Variants in NEK7 observed in about 807,000 individuals in gnomAD.
The protein encoded by NEK7 is serine/threonine-protein kinase Nek7.
Under a neutral mutation model 44.6 loss-of-function variants are expected in NEK7, and 18 were observed. The ratio of observed to expected loss-of-function variants is 0.40; its 90% confidence interval spans 0.28 to 0.60. NEK7 has a LOEUF of 0.60. Among genes scored for constraint, NEK7 ranks in the 20% least tolerant of loss-of-function variants. NEK7 has a pLI of 0.38. For missense variants in NEK7, 256 were observed against 366.5 expected, an observed-to-expected ratio of 0.70 and a Z score of 2.46; for synonymous variants, 130 against 121.1, an observed-to-expected ratio of 1.07 and a Z score of -0.48.
chr1:198,234,087 CTTAT>C (rs1666480303), intron 2 of NEK7, among the ~76,000 whole-genome samples: 1 of 152,050 alleles, frequency 6.6e-6, no homozygotes, highest in African/African-American at 2.4e-5. Flanking sequence ...AGGACTGTGT[CTTAT>C]TTACCTTGGA....
chr1:198,267,413 T>G (rs1461125796), intron 5 of NEK7, among the ~76,000 whole-genome samples: 2 of 152,012 alleles, frequency 1.3e-5, no homozygotes, highest in Non-Finnish European at 2.9e-5. Context: ...ATAAGGAGTT[T>G]GGAGGAGGTG....
chr1:198,295,254 T>C (rs1367384795), intron 8 of NEK7, among the ~76,000 whole-genome samples: 1 of 152,126 alleles, frequency 6.6e-6, no homozygotes, highest in Non-Finnish European at 1.5e-5. Context: ...CCTTACAGGG[T>C]TGTAGGTTGG....
chr1:198,249,636 A>C (rs1652842508), intron 2 of NEK7, among the ~76,000 whole-genome samples: 1 of 151,944 alleles, frequency 6.6e-6, no homozygotes, highest in Non-Finnish European at 1.5e-5. Context: ...TCTGATGGCC[A>C]GTGATGGTGA....
Position 198,320,729 on chromosome 1 carries a change from T to G in NEK7, c.*1207T>G, listed in dbSNP as rs1655510852. 1 of 152,210 alleles carries G rather than the reference T, an allele frequency of 6.6e-6. No homozygotes were observed. Among genetic ancestry groups the G allele is most frequent in the Non-Finnish European group, 1.5e-5 (1 of 68,030 alleles). 9.4% of individuals were successfully genotyped at this position (152,210 alleles called of 1,614,324 possible). ...TGAATGTTGATACAGTTACAATTTA[T>G]TTGACAAGGTTGTAATTCTAGAATA... On this transcript the variant is annotated 3_prime_UTR_variant, in exon 10 of 10. Transcript: ENST00000367385.
At chr1:198,222,735 T>G (rs879375061) in intron 1 of NEK7, among the ~76,000 whole-genome samples, 12 of 152,158 alleles carry the variant, frequency 7.9e-5, no homozygotes, top group Non-Finnish European at 1.5e-4. Flanking sequence ...TGCTGATGAA[T>G]ACAGCAGGGA....
intron 1 of NEK7, among the ~76,000 whole-genome samples, chr1:198,198,424 C>T (rs1237457904): frequency 1.3e-5 from 2 of 152,132 alleles, no homozygotes; most frequent in Non-Finnish European, 2.9e-5. Flanking sequence ...GTAGAAGCGC[C>T]TGTATTGTCT....
chr1:198,235,724 CAG>C (rs1374831105), intron 2 of NEK7, among the ~76,000 whole-genome samples: 1 of 151,918 alleles, frequency 6.6e-6, no homozygotes, highest in Non-Finnish European at 1.5e-5. Flanking sequence ...CAATTATAAT[CAG>C]AGTACAATTT....
chr1:198,283,868 C>A (rs1252661239), intron 7 of NEK7, among the ~76,000 whole-genome samples: 3 of 152,086 alleles, frequency 2.0e-5, no homozygotes, highest in African/African-American at 7.2e-5. Flanking sequence ...TTTCACAACT[C>A]GTTAATGGGT....
At chr1:198,313,198 CTTCT>C (rs1558107342) in intron 9 of NEK7, among the ~76,000 whole-genome samples, 2 of 152,202 alleles carry the variant, frequency 1.3e-5, no homozygotes, top group Non-Finnish European at 2.9e-5. Flanking sequence ...ATGTAATGGC[CTTCT>C]TTGTCTCTTT....
At chr1:198,310,149 A>G (rs1311187708) in intron 9 of NEK7, among the ~76,000 whole-genome samples, 14 of 152,068 alleles carry the variant, frequency 9.2e-5, no homozygotes, top group African/African-American at 3.4e-4. Flanking sequence ...ACTGGTGTGA[A>G]TTGGTATCTC....
intron 1 of NEK7, among the ~76,000 whole-genome samples, chr1:198,168,432 A>G (rs1377670002): frequency 6.6e-6 from 1 of 152,214 alleles, no homozygotes; most frequent in Non-Finnish European, 1.5e-5. Context: ...TGTCATCCCC[A>G]GAACGTCAGC....
intron 2 of NEK7, among the ~76,000 whole-genome samples, chr1:198,248,610 G>A (rs993475343): frequency 1.3e-5 from 2 of 152,136 alleles, no homozygotes; most frequent in African/African-American, 4.8e-5. Flanking sequence ...TAATGATGCG[G>A]TAGTAAACTT....
Position 198,157,448 on chromosome 1 carries a change from T to C in NEK7, c.-29+172T>C, listed in dbSNP as rs1005072277. Among the ~76,000 whole-genome samples, 7 of 151,698 alleles carry C rather than the reference T, an allele frequency of 4.6e-5. No individual in the cohort carries two copies. In the East Asian group the frequency reaches 7.8e-4, roughly 17 times the overall value. On this transcript the variant is annotated intron_variant, in intron 1 of 9. Coordinates refer to ENST00000367385, the MANE Select transcript of NEK7 (RefSeq NM_133494.3). ...GCGCTGCGCTCGAGGCGGATGGGGG[T>C]TTCGGTCTTGTTCGTTGGCAGCGGT...
At position 198,232,549 on chromosome 1, in the gene NEK7, G is replaced by T; in HGVS notation, c.-28-4G>T. On this transcript the variant is annotated splice_polypyrimidine_tract_variant and splice_region_variant and intron_variant, in intron 1 of 9. Transcript: ENST00000367385. ...ATTTAAATTTCAACTTTACATTTTT[G>T]CAGAGTTCTAAAGTTCCTGTTGCTT... The T allele has an allele frequency of 2.1e-6, 3 of 1,418,340 alleles. No homozygotes were observed. Among genetic ancestry groups the T allele is most frequent in the Non-Finnish European group, 3.0e-6 (3 of 1,003,906 alleles). 87.9% of individuals were successfully genotyped at this position (1,418,340 alleles called of 1,614,324 possible). A position where few individuals can be genotyped will look rare whatever the true frequency, so the allele number is the denominator to read the frequency against.
intron 1 of NEK7, among the ~76,000 whole-genome samples, chr1:198,212,114 G>A (rs1665791569): frequency 6.6e-6 from 1 of 152,202 alleles, no homozygotes; most frequent in Non-Finnish European, 1.5e-5. Flanking sequence ...TGTCTCACAG[G>A]GGACCTCACG....
chr1:198,295,810 T>C (rs895449265), intron 8 of NEK7, among the ~76,000 whole-genome samples: 2 of 51,328 alleles, frequency 3.9e-5, no homozygotes, highest in Non-Finnish European at 5.4e-5. Flanking sequence ...AAACCACTAT[T>C]ATTATTATTA....
intron 4 of NEK7, among the ~76,000 whole-genome samples, chr1:198,262,960 A>G (rs1464900177): frequency 6.6e-6 from 1 of 151,912 alleles, no homozygotes; most frequent in East Asian, 1.9e-4. Context: ...AAGTAATATA[A>G]ATGCAAATTA....
At chr1:198,312,402 T>C (rs923456830) in intron 9 of NEK7, among the ~76,000 whole-genome samples, 63 of 151,892 alleles carry the variant, frequency 4.1e-4, no homozygotes, top group African/African-American at 1.4e-3. Context: ...CCTGGATTCA[T>C]TAATTTTTTG....
At chr1:198,282,351 A>G (rs1470758876) in intron 7 of NEK7, among the ~76,000 whole-genome samples, 1 of 151,884 alleles carries the variant, frequency 6.6e-6, no homozygotes, top group Non-Finnish European at 1.5e-5. Flanking sequence ...CGCCCTTTAC[A>G]GTTTGGTGTC....
Sources: allele counts gnomAD v4.1 joint callset (sites outside exome capture counted in the v4.1 genomes callset), GRCh38; gene constraint gnomAD v4.1.1; transcripts MANE v1.5; gene names NCBI Gene and HGNC (gene_info 2026-07-23, HGNC 2026-07-21).